WDFY4: variants seen among roughly 807,000 people sequenced by gnomAD.
WDFY4 encodes the protein WD repeat- and FYVE domain-containing protein 4.
WDFY4 carries 169 observed loss-of-function variants against 351.9 expected under a neutral mutation model. That is an observed-to-expected ratio of 0.48 (90% CI 0.42 to 0.55). The LOEUF is 0.55. WDFY4 is among the 20% of genes least tolerant of loss of function. The probability of loss-of-function intolerance (pLI) is 0.00; values close to 1 mark genes in which losing one functional copy is unlikely to be tolerated. For synonymous variants in WDFY4, 1,622 were observed against 1,574.6 expected, an observed-to-expected ratio of 1.03 and a Z score of -0.71; for missense variants, 3,803 against 3,935.6, an observed-to-expected ratio of 0.97 and a Z score of 0.90.
intron 47 of WDFY4, chr10:48,910,312 A>G: frequency 6.5e-7 from 1 of 1,544,474 alleles, no homozygotes; most frequent in South Asian, 1.1e-5. Context: ...ACAGAGGCAA[A>G]CACAGCAAGG....
chr10:48,876,369 G>A (rs1261751153), intron 42 of WDFY4, among the ~76,000 whole-genome samples: 2 of 152,222 alleles, frequency 1.3e-5, no homozygotes, highest in Non-Finnish European at 2.9e-5. Context: ...TCTACCTCTA[G>A]TTCTTAGAAG....
At chr10:48,963,409 C>T (rs562139617) in intron 53 of WDFY4, among the ~76,000 whole-genome samples, 9 of 152,340 alleles carry the variant, frequency 5.9e-5, no homozygotes, top group East Asian at 5.8e-4. Context: ...CTCGAGAGCA[C>T]GGTCTCCTGA....
At chr10:48,817,525 C>CT in intron 32 of WDFY4, 116 bp downstream of exon 32, 1 of 1,293,024 alleles carries the variant, frequency 7.7e-7, no homozygotes, top group Non-Finnish European at 1.0e-6. Flanking sequence ...TTTAAGGCAA[C>CT]TTGAGCGGAA....
chr10:48,959,283 G>A (rs1589995054), intron 52 of WDFY4, among the ~76,000 whole-genome samples: 3 of 152,224 alleles, frequency 2.0e-5, no homozygotes, highest in Non-Finnish European at 4.4e-5. Flanking sequence ...TGAAGATTCA[G>A]TGAGGTGATG....
chr10:48,882,195 G>A (rs2070279616), intron 43 of WDFY4, among the ~76,000 whole-genome samples: 1 of 152,148 alleles, frequency 6.6e-6, no homozygotes, highest in Non-Finnish European at 1.5e-5. Context: ...GGGGGAACCT[G>A]GGTCTTGGGG....
chr10:48,747,171 C>G (rs2065040230), intron 12 of WDFY4, among the ~76,000 whole-genome samples: 1 of 152,116 alleles, frequency 6.6e-6, no homozygotes, highest in South Asian at 2.1e-4. Flanking sequence ...CAGTTATTTT[C>G]TCACAGTAAA....
intron 1 of WDFY4, among the ~76,000 whole-genome samples, chr10:48,687,912 G>T (rs12259471): frequency 6.6e-6 from 1 of 152,016 alleles, no homozygotes; most frequent in African/African-American, 2.4e-5. Context: ...CTCTCCAGTA[G>T]CTGGGACTAC....
chr10:48,936,837 C>CA (rs559680291), intron 47 of WDFY4, among the ~76,000 whole-genome samples: 778 of 59,088 alleles, frequency 0.013, 12 homozygotes, highest in African/African-American at 0.041. Context: ...GACTCCGTCT[C>CA]AAAAAAAAAA....
intron 39 of WDFY4, among the ~76,000 whole-genome samples, chr10:48,841,512 G>C (rs1405685246): frequency 1.3e-5 from 2 of 151,992 alleles, no homozygotes; most frequent in Non-Finnish European, 2.9e-5. Flanking sequence ...GTCAGGTTAG[G>C]TTCAGGGAGT....
intron 53 of WDFY4, among the ~76,000 whole-genome samples, chr10:48,961,960 G>A (rs760790477): frequency 1.2e-4 from 19 of 152,196 alleles, no homozygotes; most frequent in Non-Finnish European, 1.8e-4. Flanking sequence ...ACTTGAACTT[G>A]CTGAAGGAGA....
Position 48,786,736 on chromosome 10 carries a change from A to G in WDFY4, c.3674A>G (p.Lys1225Arg), listed in dbSNP as rs1469296107. The change falls in exon 20 of 62, where the codon AAA (lysine) becomes AGA (arginine). Residue 1225 changes from lysine (K) to arginine (R), a missense_variant. Physicochemically the swap from Lys to Arg is conservative, Grantham distance 26. This residue lies in a region of WDFY4 where 3,054 missense variants were observed against 3,148.6 expected (regional missense o/e 0.97). Coordinates refer to ENST00000325239, the MANE Select transcript of WDFY4 (RefSeq NM_001394531.1). ...YGYIATPRVW[K>R]QKSSLIWRLG... ...TATATTGCTACTCCTCGAGTCTGGAAACAAAAGTCTTCATTAATCTGGCGT... is the reference window on the plus strand; with the variant it reads ...TATATTGCTACTCCTCGAGTCTGGAGACAAAAGTCTTCATTAATCTGGCGT... 3.9e-6 allele frequency: 6 copies of G among 1,552,258 alleles called. No individual in the cohort carries two copies. The Admixed American group carries it at 1.2e-4, about 30-fold the overall frequency.
At chr10:48,972,056 C>T (rs1465762473) in intron 57 of WDFY4, among the ~76,000 whole-genome samples, 3 of 152,150 alleles carry the variant, frequency 2.0e-5, no homozygotes, top group East Asian at 1.9e-4. Context: ...ACCCTCGTAT[C>T]GACCTCATAA....
chr10:48,974,826 G>A, intron 57 of WDFY4, 36 bp from the exon 58 acceptor site: 2 of 1,483,630 alleles, frequency 1.3e-6, no homozygotes, highest in South Asian at 1.4e-5. Context: ...GCTGAATTGA[G>A]GGTCCCTCTC....
chr10:48,735,902 G>A lies in WDFY4; in HGVS notation c.1710G>A (p.Met570Ile). 1 of 1,551,696 alleles carries A rather than the reference G, an allele frequency of 6.4e-7. No individual in the cohort carries two copies. Among genetic ancestry groups the A allele is most frequent in the Admixed American group, 2.0e-5 (1 of 51,010 alleles). Residue 570 changes from methionine (M) to isoleucine (I), a missense_variant, in exon 11 of 62, where the codon ATG becomes ATA. By Grantham distance (10) the Met-to-Ile change is conservative (BLOSUM62 1). This residue lies in a region of WDFY4 where 261 missense variants were observed against 330.2 expected (regional missense o/e 0.79). Transcript: ENST00000325239. ...TAGTTGTCCTGAAGGACCACGGCATGGTGCCCTTCATCAAGATCTTCCTGG... is the reference window on the plus strand; with the variant it reads ...TAGTTGTCCTGAAGGACCACGGCATAGTGCCCTTCATCAAGATCTTCCTGG... Reference protein sequence around the residue: ...RNAVVLKDHGMVPFIKIFLDD... With the variant: ...RNAVVLKDHGIVPFIKIFLDD...
At chr10:48,720,205 C>G (rs74130612) in intron 3 of WDFY4, 80 bp downstream of exon 3, 39 of 1,400,324 alleles carry the variant, frequency 2.8e-5, no homozygotes, top group Non-Finnish European at 3.5e-5. Context: ...CTCAGGCCCC[C>G]CTCTGCTTTC....
chr10:48,888,422 A>T (rs2070557416), intron 43 of WDFY4, among the ~76,000 whole-genome samples: 1 of 151,032 alleles, frequency 6.6e-6, no homozygotes, highest in African/African-American at 2.4e-5. Flanking sequence ...AGATACACCC[A>T]CTTCCTTCCC....
intron 55 of WDFY4, 143 bp from the exon 56 acceptor site, chr10:48,968,921 C>A: frequency 1.2e-6 from 1 of 811,390 alleles, no homozygotes; most frequent in Non-Finnish European, 1.9e-6. Flanking sequence ...GTCACTCCTG[C>A]CCAGGGCCCA....
intron 43 of WDFY4, among the ~76,000 whole-genome samples, chr10:48,887,234 G>A (rs535181529): frequency 1.3e-5 from 2 of 152,330 alleles, no homozygotes; most frequent in East Asian, 1.9e-4. Context: ...AGGAGAGAGG[G>A]TTTGGAGGCA....
intron 49 of WDFY4, among the ~76,000 whole-genome samples, chr10:48,944,941 T>C (rs1238930446): frequency 6.6e-6 from 1 of 152,226 alleles, no homozygotes; most frequent in Non-Finnish European, 1.5e-5. Flanking sequence ...TGGGTCTCCG[T>C]GTGTCCCCTC....
Sources: gnomAD v4.1 joint callset for allele counts (sites outside exome capture counted in the v4.1 genomes callset) on GRCh38, gnomAD v4.1.1 for gene constraint, gnomAD v4.1.1 regional missense constraint, MANE v1.5 for transcripts, NCBI Gene and HGNC (gene_info 2026-07-23, HGNC 2026-07-21) for gene names.